The following MUC21 variants were observed in gnomAD, a reference collection of about 807,000 sequenced individuals.
The protein encoded by MUC21 is mucin 21, cell surface associated, also known as mucin-21.
In MUC21, 8 loss-of-function variants were observed where a neutral mutation model predicts 9.1. The observed-to-expected ratio is 0.88, with a 90% CI of 0.52 to 1.59. The LOEUF is 1.59. Ranked by LOEUF, MUC21 falls within the 40% of genes most tolerant of loss-of-function variation. The pLI, the probability that MUC21 is intolerant of heterozygous loss-of-function variation, is 0.00. For synonymous variants in MUC21, 189 were observed against 275.2 expected, an observed-to-expected ratio of 0.69 and a Z score of 3.10; for missense variants, 478 against 694.2, an observed-to-expected ratio of 0.69 and a Z score of 3.50.
rs2150684636 is a variant in MUC21 at position 30,986,240 on chromosome 6, C to T, written c.65C>T (p.Thr22Ile). ...TGTCATTATATGATTTCTTCAGCAA[C>T]AAATTCCAATGAGACTAGCACCTCT... ...FGLLLHLEAA[T>I]NSNETSTSAN... Residue 22 changes from threonine (T) to isoleucine (I), a missense_variant, in exon 2 of 3, where the codon ACA (threonine) becomes ATA (isoleucine). By Grantham distance (89) the Thr-to-Ile change is moderately conservative (BLOSUM62 -1). Coordinates refer to ENST00000376296, the MANE Select transcript of MUC21 (RefSeq NM_001010909.5). The T allele has an allele frequency of 3.7e-6, 6 of 1,604,960 alleles. No homozygotes were observed. The highest frequency in any genetic ancestry group is 5.1e-6 in the Non-Finnish European group (6 of 1,173,828).
Position 30,987,694 on chromosome 6 carries a change from T to C in MUC21, c.1506+13T>C, listed in dbSNP as rs757215745. The stretch of plus-strand genomic sequence containing the variant: ...CTTCTTCTGTGTGGTGAGTGCCTAA[T>C]ATGTAAGAAAATGCCTGGGGGAAGG... On this transcript the variant is annotated intron_variant, in intron 2 of 2. Transcript: ENST00000376296. 8.1e-6 allele frequency: 13 copies of C among 1,608,410 alleles called. No individual in the cohort carries two copies. The highest frequency in any genetic ancestry group is 2.2e-5 in the East Asian group (1 of 44,840).
rs1240775912 is a variant in MUC21, at chr6:30,988,445, G to A, written c.*251G>A. On this transcript the variant is annotated 3_prime_UTR_variant, in exon 3 of 3. Transcript: ENST00000376296. ...GACAAAGAGAAGCTGTGCGTGCCCCGGGGTGGGTATCTAGCTCTGAGATGA... is the reference window on the plus strand; with the variant it reads ...GACAAAGAGAAGCTGTGCGTGCCCCAGGGTGGGTATCTAGCTCTGAGATGA... The A allele has an allele frequency of 1.3e-5, 6 of 457,734 alleles. No homozygotes were observed. Among genetic ancestry groups the A allele is most frequent in the African/African-American group, 2.0e-5 (1 of 49,740 alleles). The allele number at this position is 457,734 out of a possible 1,614,324, so 28.4% of individuals were successfully genotyped here.
At position 30,987,209 on chromosome 6, in the gene MUC21, C is replaced by T. The variant is rs56335768; in HGVS notation, c.1034C>T (p.Ala345Val). The T allele has an allele frequency of 3.1e-6, 5 of 1,596,162 alleles. No individual in the cohort carries two copies. Among genetic ancestry groups the T allele is most frequent in the African/African-American group, 1.4e-5 (1 of 73,528 alleles). Reference sequence around the variant, plus strand: ...ACGACCTCCAGTGGGGCCAGCACAGCCACCAACTCTGAGTCCAGCACAACC... The same window carrying T: ...ACGACCTCCAGTGGGGCCAGCACAGTCACCAACTCTGAGTCCAGCACAACC... The part of the protein sequence containing the change: ...SSTTSSGAST[A>V]TNSESSTTSS... Residue 345 changes from alanine (A) to valine (V), a missense_variant, in exon 2 of 3, where the codon GCC (alanine) becomes GTC (valine). Ala to Val is a moderately conservative substitution (Grantham distance 64, BLOSUM62 0). Coordinates refer to ENST00000376296, the MANE Select transcript of MUC21 (RefSeq NM_001010909.5).
At chr6:30,984,284 C>T in intron 1 of MUC21, 1 of 395,312 alleles carries the variant, frequency 2.5e-6, no homozygotes. Flanking sequence ...CTTCTCTGCG[C>T]CTCGATTTCT....
intron 1 of MUC21, among the ~76,000 whole-genome samples, chr6:30,985,397 T>G (rs1249441797): frequency 6.6e-6 from 1 of 152,240 alleles, no homozygotes; most frequent in Non-Finnish European, 1.5e-5. Context: ...TCTCAAATTC[T>G]AATTCATTTA....
rs1442680542 is a variant in MUC21, at chr6:30,986,620, A to C, written c.445A>C (p.Thr149Pro). ...CAGCACAACCTCCAGTGGGGCTAGC[A>C]CAGCCACCAACTCTGACTCCAGCAC... The part of the protein sequence containing the change: ...DSSTTSSGAS[T>P]ATNSDSSTTS... The change falls in exon 2 of 3, where the codon ACA (threonine) becomes CCA (proline). Residue 149 changes from threonine (T) to proline (P), a missense_variant. Coordinates refer to ENST00000376296, the MANE Select transcript of MUC21 (RefSeq NM_001010909.5). 1 of 1,546,030 alleles carries C rather than the reference A, an allele frequency of 6.5e-7. No individual in the cohort carries two copies.
chr6:30,987,768 C>T, intron 2 of MUC21, 87 bp downstream of exon 2: 1 of 1,540,218 alleles, frequency 6.5e-7, no homozygotes, highest in Non-Finnish European at 8.7e-7. Flanking sequence ...GGTCTCAAGT[C>T]AGGGGTGGGT....
intron 1 of MUC21, among the ~76,000 whole-genome samples, chr6:30,985,905 C>T (rs1352105361): frequency 1.3e-5 from 2 of 152,096 alleles, no homozygotes; most frequent in Non-Finnish European, 2.9e-5. Flanking sequence ...CTCAGCCTCC[C>T]GAGTAGCTGG....
rs1485905639 is a variant in MUC21, at chr6:30,988,765, A to G, written c.*571A>G. 1 of 118,318 alleles carries G rather than the reference A, an allele frequency of 8.5e-6. No individual in the cohort carries two copies. Among genetic ancestry groups the G allele is most frequent in the Non-Finnish European group, 1.7e-5 (1 of 60,194 alleles). 7.3% of individuals were successfully genotyped at this position (118,318 alleles called of 1,614,324 possible). On this transcript the variant is annotated 3_prime_UTR_variant, in exon 3 of 3. Transcript: ENST00000376296. ...GAGCAGGATGAGGTGGAGGCGTTAC[A>G]ACTACCTGCTCTGTGTGTGGGGGGG...
intron 1 of MUC21, 71 bp from the exon 2 acceptor site, chr6:30,986,166 T>C: frequency 1.5e-6 from 2 of 1,307,746 alleles, no homozygotes; most frequent in Non-Finnish European, 2.1e-6. Flanking sequence ...AATTATGTAA[T>C]GAATTTAGCC....
In MUC21 at chr6:30,987,456, A is replaced by T; in HGVS notation, c.1281A>T (p.Thr427=). 1 of 1,603,692 alleles carries T rather than the reference A, an allele frequency of 6.2e-7. No individual in the cohort carries two copies. The highest frequency in any genetic ancestry group is 1.4e-5 in the African/African-American group (1 of 73,406). ...ASTATNSESS[T]TSSGANTATN... is the part of the protein sequence containing the mutation. ...CTGCCACCAATTCTGAGTCCAGCAC[A>T]ACCTCCAGTGGGGCCAACACAGCCA... Residue 427 remains threonine (T), a synonymous_variant, in exon 2 of 3, where the codon ACA becomes ACT. Coordinates refer to ENST00000376296, the MANE Select transcript of MUC21 (RefSeq NM_001010909.5).
chr6:30,986,950 G>T lies in MUC21; in HGVS notation c.775G>T (p.Glu259Ter), dbSNP rs1562531586. 17 of 1,564,248 alleles carry T rather than the reference G, an allele frequency of 1.1e-5. 1 individual carries two copies. The highest frequency in any genetic ancestry group is 1.4e-5 in the Non-Finnish European group (16 of 1,151,026). The change falls in exon 2 of 3, where the codon GAG (glutamate) becomes TAG (stop). Residue 259 changes from glutamate to a stop codon, truncating the protein, a stop_gained. Coordinates refer to ENST00000376296, the MANE Select transcript of MUC21 (RefSeq NM_001010909.5). LOFTEE classifies it high-confidence loss of function. ...TGGGGCCGGCACAGCCACCAACTCT[G>T]AGTCCAGCACGACCTCCAGTGGGGC... is the stretch of plus-strand genomic sequence containing the variant. Reference protein sequence around the residue: ...SSGAGTATNSESSTTSSGAGT... With the variant: ...SSGAGTATNS
rs1043551274 is a variant in MUC21 at position 30,989,343 on chromosome 6, T to C, written c.*1149T>C. ...TGAAGTGAAACCACCACAATGGCCA[T>C]TTTTTTTTTAGATGGAGTTTTGCAG... On this transcript the variant is annotated 3_prime_UTR_variant, in exon 3 of 3. Transcript: ENST00000376296. 20 of 149,686 alleles carry C rather than the reference T, an allele frequency of 1.3e-4. No individual in the cohort carries two copies. The highest frequency in any genetic ancestry group is 4.9e-4 in the African/African-American group (20 of 40,874). 9.3% of individuals were successfully genotyped at this position (149,686 alleles called of 1,614,324 possible).
intron 2 of MUC21, 52 bp downstream of exon 2, chr6:30,987,733 CA>C (rs748976207): frequency 6.3e-7 from 1 of 1,587,502 alleles, no homozygotes; most frequent in African/African-American, 1.3e-5. Context: ...AGCAGAAACA[CA>C]AGGAAATGGG....
chr6:30,984,319 G>A (rs1762160408), intron 1 of MUC21, among the ~76,000 whole-genome samples: 1 of 152,208 alleles, frequency 6.6e-6, no homozygotes, highest in African/African-American at 2.4e-5. Context: ...GTAACAACCT[G>A]TGTAATATGG....
rs773808282 is a variant in MUC21, at chr6:30,986,531, C to A, written c.356C>A (p.Thr119Lys). The change falls in exon 2 of 3, where the codon ACA becomes AAA. Residue 119 changes from threonine to lysine, a missense_variant. This residue lies in a region of MUC21 where 53 missense variants were observed against 139.1 expected (regional missense o/e 0.38). Coordinates refer to ENST00000376296, the MANE Select transcript of MUC21 (RefSeq NM_001010909.5). Reference protein sequence around the residue: ...ESSTTSSGASTATNSESSTPS... With the variant: ...ESSTTSSGASKATNSESSTPS... ...AGCACAACCTCCAGTGGGGCCAGCA[C>A]AGCCACCAACTCTGAGTCCAGCACA... 9 of 1,586,902 alleles carry A rather than the reference C, an allele frequency of 5.7e-6. No individual in the cohort carries two copies. The highest frequency in any genetic ancestry group is 7.7e-6 in the Non-Finnish European group (9 of 1,165,070).
Position 30,988,317 on chromosome 6 carries a change from G to C in MUC21, c.*123G>C. 1.1e-6 allele frequency: 1 copy of C among 875,768 alleles called. No homozygotes were observed. The highest frequency in any genetic ancestry group is 1.7e-6 in the Non-Finnish European group (1 of 587,206). 54.2% of individuals were successfully genotyped at this position (875,768 alleles called of 1,614,324 possible). The stretch of plus-strand genomic sequence containing the variant: ...CTTTGTTTGAGATCCTGAAAATCTT[G>C]AAGAAGGTATTCCTCACCTTTCTTG... On this transcript the variant is annotated 3_prime_UTR_variant, in exon 3 of 3. Coordinates refer to ENST00000376296, the MANE Select transcript of MUC21 (RefSeq NM_001010909.5).
rs1035889953 is a variant in MUC21, at chr6:30,989,846, G to A, written c.*1652G>A. 1 of 152,172 alleles carries A rather than the reference G, an allele frequency of 6.6e-6. No homozygotes were observed. Among genetic ancestry groups the A allele is most frequent in the African/African-American group, 2.4e-5 (1 of 41,434 alleles). The allele number at this position is 152,172 out of a possible 1,614,324, so 9.4% of individuals were successfully genotyped here. A position where few individuals can be genotyped will look rare whatever the true frequency, so the allele number is the denominator to read the frequency against. ...GAGTGTGGGAATCCACCATCTTGTG[G>A]CCACCTCAGACATCACTTCTCTTTG... On this transcript the variant is annotated 3_prime_UTR_variant, in exon 3 of 3. Transcript: ENST00000376296.
Position 30,986,638 on chromosome 6 carries a change from TCCAGCACAACCTCCAGTGAGG to T in MUC21, c.472_492del (p.Thr158_Thr164del). 6.5e-7 allele frequency: 1 copy of T among 1,543,954 alleles called. No homozygotes were observed. The highest frequency in any genetic ancestry group is 8.8e-7 in the Non-Finnish European group (1 of 1,142,152). ...GGCTAGCACAGCCACCAACTCTGAC[TCCAGCACAACCTCCAGTGAGG>T]CCAGCACAGCCACCAACTCTGAGTC... On this transcript the variant is annotated inframe_deletion, in exon 2 of 3. Coordinates refer to ENST00000376296, the MANE Select transcript of MUC21 (RefSeq NM_001010909.5).
Sources: allele counts gnomAD v4.1 joint callset (sites outside exome capture counted in the v4.1 genomes callset), GRCh38; gene constraint gnomAD v4.1.1; regional missense constraint gnomAD v4.1.1; transcripts MANE v1.5; gene names NCBI Gene and HGNC (gene_info 2026-07-23, HGNC 2026-07-21).